PTPRD: variants seen among roughly 807,000 people sequenced by gnomAD.
PTPRD encodes the protein protein tyrosine phosphatase receptor type D.
A neutral mutation model predicts 214.5 loss-of-function variants in PTPRD; 34 were observed. That is an observed-to-expected ratio of 0.16 (90% CI 0.12 to 0.21). The LOEUF (loss-of-function observed/expected upper bound fraction) is 0.21. Ranked by LOEUF, PTPRD falls within the 10% of genes least tolerant of loss-of-function variation. PTPRD has a pLI of 1.00. For missense variants in PTPRD, 2,545 were observed against 2,398.7 expected (o/e 1.06, Z -1.27); for synonymous variants, 1,128 against 845.7 (o/e 1.33, Z -5.79).
intron 7 of PTPRD, among the ~76,000 whole-genome samples, chr9:9,713,383 T>C (rs565927786): frequency 6.6e-6 from 1 of 152,286 alleles, no homozygotes; most frequent in South Asian, 2.1e-4. Flanking sequence ...TCCTCTTAGA[T>C]ATCTAGACTC....
chr9:9,018,157 A>G (rs1006053537), intron 11 of PTPRD, among the ~76,000 whole-genome samples: 2 of 152,046 alleles, frequency 1.3e-5, no homozygotes, highest in Non-Finnish European at 2.9e-5. Context: ...TTAACTGAAG[A>G]TTCCCTCATA....
chr9:9,676,189 G>A lies in PTPRD; in HGVS notation c.-287+58344C>T, dbSNP rs185268706. On this transcript the variant is annotated intron_variant, in intron 7 of 45. Transcript: ENST00000381196. ...TGTGCACAACGTGCAGGTTAGTTAC[G>A]TATGTATACATGTGCCATGTTGGTG... 2.8e-3 allele frequency among the ~76,000 whole-genome samples: 430 copies of A among 151,866 alleles called. 2 individuals are homozygous for A. Among genetic ancestry groups the A allele is most frequent in the Middle Eastern group, 0.024 (7 of 294 alleles).
At chr9:8,349,905 C>T (rs943477185) in intron 39 of PTPRD, among the ~76,000 whole-genome samples, 1 of 149,138 alleles carries the variant, frequency 6.7e-6, no homozygotes, top group Non-Finnish European at 1.5e-5. Context: ...ACTTCAGCAG[C>T]AAACCAAATT....
intron 4 of PTPRD, among the ~76,000 whole-genome samples, chr9:9,951,899 A>C (rs1011843344): frequency 6.6e-6 from 1 of 152,248 alleles, no homozygotes; most frequent in African/African-American, 2.4e-5. Flanking sequence ...ATTGATACCC[A>C]TCATTTACTC....
intron 8 of PTPRD, among the ~76,000 whole-genome samples, chr9:9,399,817 G>A (rs866282874): frequency 1.4e-4 from 21 of 152,108 alleles, no homozygotes; most frequent in Middle Eastern, 6.8e-3. Flanking sequence ...CAGCCATGTG[G>A]AACTGTGAAT....
intron 6 of PTPRD, among the ~76,000 whole-genome samples, chr9:9,751,237 C>T (rs2098515936): frequency 6.6e-6 from 1 of 151,986 alleles, no homozygotes; most frequent in Admixed American, 6.6e-5. Flanking sequence ...CTATAAGTCC[C>T]CTGCAAGATG....
chr9:9,228,530 T>G (rs1201329944), intron 9 of PTPRD, among the ~76,000 whole-genome samples: 1 of 152,212 alleles, frequency 6.6e-6, no homozygotes, highest in Admixed American at 6.5e-5. Context: ...ATTAATCTAC[T>G]ACTGTATCTT....
chr9:9,200,074 G>A (rs1047953955), intron 9 of PTPRD, among the ~76,000 whole-genome samples: 1 of 152,186 alleles, frequency 6.6e-6, no homozygotes, highest in Non-Finnish European at 1.5e-5. Flanking sequence ...ATGGTTGAAG[G>A]CTAATGTTGA....
chr9:10,579,587 G>A (rs2070922859), intron 2 of PTPRD, among the ~76,000 whole-genome samples: 1 of 152,204 alleles, frequency 6.6e-6, no homozygotes, highest in African/African-American at 2.4e-5. Flanking sequence ...ATAAGCGCAT[G>A]AGTGTTTTTG....
chr9:9,089,501 G>C (rs1222989128), intron 10 of PTPRD, among the ~76,000 whole-genome samples: 1 of 152,140 alleles, frequency 6.6e-6, no homozygotes, highest in East Asian at 1.9e-4. Context: ...TCATGAGTTA[G>C]AATAAATGCT....
chr9:8,327,561 C>G (rs957120747), intron 44 of PTPRD, among the ~76,000 whole-genome samples: 2 of 152,018 alleles, frequency 1.3e-5, no homozygotes, highest in South Asian at 2.1e-4. Flanking sequence ...TCTGCTTGGT[C>G]CAGAGCTGTG....
chr9:10,380,945 A>G (rs2097808043), intron 2 of PTPRD, among the ~76,000 whole-genome samples: 2 of 152,118 alleles, frequency 1.3e-5, no homozygotes, highest in South Asian at 2.1e-4. Context: ...TCACAGGTAT[A>G]TTTCACACTT....
At chr9:9,232,079 A>G (rs1190410006) in intron 9 of PTPRD, among the ~76,000 whole-genome samples, 1 of 152,176 alleles carries the variant, frequency 6.6e-6, no homozygotes, top group Non-Finnish European at 1.5e-5. Flanking sequence ...ATTCACTTGT[A>G]TGTTATTGTG....
At chr9:10,453,755 T>C (rs1329953321) in intron 2 of PTPRD, among the ~76,000 whole-genome samples, 1 of 151,660 alleles carries the variant, frequency 6.6e-6, no homozygotes, top group Non-Finnish European at 1.5e-5. Context: ...ACCAAAACCA[T>C]GTACCTTCTT....
At chr9:9,663,839 T>C (rs1333388866) in intron 7 of PTPRD, among the ~76,000 whole-genome samples, 1 of 151,560 alleles carries the variant, frequency 6.6e-6, no homozygotes, top group African/African-American at 2.4e-5. Context: ...TTTTACACTT[T>C]GGAATGTCAA....
At chr9:9,716,929 C>A (rs1035006741) in intron 7 of PTPRD, among the ~76,000 whole-genome samples, 4 of 152,076 alleles carry the variant, frequency 2.6e-5, no homozygotes, top group African/African-American at 9.7e-5. Flanking sequence ...CTTGCCCATG[C>A]CTATGTCCTG....
rs2154320961 is a variant in PTPRD at position 8,633,463 on chromosome 9, T to A, written c.211-5A>T. The A allele has an allele frequency of 6.8e-6, 11 of 1,610,368 alleles. No homozygotes were observed. Among genetic ancestry groups the A allele is most frequent in the Non-Finnish European group, 9.3e-6 (11 of 1,177,996 alleles). ...CCCATCGTCAAACTCTATTACCTATTAGAGGAAACAATAGCTGTCACAGGT... is the reference window on the plus strand; with the variant it reads ...CCCATCGTCAAACTCTATTACCTATAAGAGGAAACAATAGCTGTCACAGGT... On this transcript the variant is annotated splice_region_variant and splice_polypyrimidine_tract_variant and intron_variant, in intron 13 of 45. Transcript: ENST00000381196.
intron 7 of PTPRD, among the ~76,000 whole-genome samples, chr9:9,668,255 T>C (rs1039555192): frequency 2.6e-5 from 4 of 152,142 alleles, no homozygotes; most frequent in Non-Finnish European, 2.9e-5. Flanking sequence ...TGCAACACTA[T>C]TGAATAACCA....
At chr9:9,906,112 A>G (rs1247911146) in intron 5 of PTPRD, among the ~76,000 whole-genome samples, 1 of 152,038 alleles carries the variant, frequency 6.6e-6, no homozygotes, top group East Asian at 1.9e-4. Context: ...AGTTTTGTGC[A>G]GGCATACAAG....
Sources: gnomAD v4.1 joint callset for allele counts (sites outside exome capture counted in the v4.1 genomes callset) on GRCh38, gnomAD v4.1.1 for gene constraint, MANE v1.5 for transcripts, NCBI Gene and HGNC (gene_info 2026-07-23, HGNC 2026-07-21) for gene names.